TSBP1: variants seen among roughly 807,000 people sequenced by gnomAD.
TSBP1 encodes the protein testis-expressed basic protein 1.
In TSBP1, 56 loss-of-function variants were observed where a neutral mutation model predicts 68.8. The ratio of observed to expected loss-of-function variants is 0.81; its 90% CI spans 0.66 to 1.02. TSBP1 has a LOEUF of 1.02. Ranked by LOEUF, TSBP1 falls within the 50% of genes least tolerant of loss-of-function variation. The probability of loss-of-function intolerance (pLI) is 0.00; values close to 1 mark genes in which losing one functional copy is unlikely to be tolerated. For synonymous variants in TSBP1, 171 were observed against 208.7 expected, an observed-to-expected ratio of 0.82 and a Z score of 1.56; for missense variants, 502 against 641.2, an observed-to-expected ratio of 0.78 and a Z score of 2.34.
At position 32,365,307 on chromosome 6, in the gene TSBP1, C is replaced by A. The variant is rs368015413; in HGVS notation, c.217+860G>T. 50 of 456,886 alleles carry A rather than the reference C, an allele frequency of 1.1e-4. No individual in the cohort carries two copies. The highest frequency in any genetic ancestry group is 9.2e-4 in the African/African-American group (46 of 50,148). 28.3% of individuals were successfully genotyped at this position (456,886 alleles called of 1,614,324 possible). ...GCTCTGGAATTCTCAAGTTTGTGTC[C>A]TTTTTTCCAATCCCACAAAGTCAAA... On this transcript the variant is annotated intron_variant, in intron 6 of 22. Transcript: ENST00000612031. The surrounding 1 kb of genome is among the most constrained non-coding windows in gnomAD (Gnocchi z 4.3).
In TSBP1 at chr6:32,337,728, A is replaced by T. The variant is rs1263052612; in HGVS notation, c.410-1093T>A. 1.3e-5 allele frequency among the ~76,000 whole-genome samples: 2 copies of T among 152,124 alleles called. No individual in the cohort carries two copies. The highest frequency in any genetic ancestry group is 2.9e-5 in the Non-Finnish European group (2 of 68,004). On this transcript the variant is annotated intron_variant, in intron 11 of 22. Coordinates refer to ENST00000612031, the Ensembl canonical transcript of TSBP1. The surrounding 1 kb of genome is among the most constrained non-coding windows in gnomAD (Gnocchi z 5.5). ...CACACCTCTCTACACCTCATAGGCTATAAGTGATTCTCTCACCTTGGCCTC... is the reference window on the plus strand; with the variant it reads ...CACACCTCTCTACACCTCATAGGCTTTAAGTGATTCTCTCACCTTGGCCTC...
Position 32,333,454 on chromosome 6 carries a change from G to A in TSBP1, c.473-1400C>T, listed in dbSNP as rs138085227. ...CCATGTATTTGGTCATATTCCTTAC[G>A]GGATCCCTGCAGGTAATGTGTATGG... On this transcript the variant is annotated intron_variant, in intron 14 of 22. Coordinates refer to ENST00000612031, the Ensembl canonical transcript of TSBP1. This position sits in a 1 kb window ranked among gnomAD's most constrained non-coding sequence, Gnocchi z 4.2. Among the ~76,000 whole-genome samples, 397 of 152,198 alleles carry A rather than the reference G, an allele frequency of 2.6e-3. 1 individual carries two copies. The highest frequency in any genetic ancestry group is 3.2e-3 in the Non-Finnish European group (215 of 68,012).
intron 18 of TSBP1, chr6:32,320,282 T>G (rs925650851): frequency 4.4e-5 from 20 of 454,776 alleles, no homozygotes; most frequent in African/African-American, 3.8e-4. Flanking sequence ...GTAGCACACC[T>G]CCAGCAGGGC....
intron 19 of TSBP1, among the ~76,000 whole-genome samples, chr6:32,303,680 A>G (rs780240754): frequency 6.6e-6 from 1 of 152,148 alleles, no homozygotes; most frequent in Non-Finnish European, 1.5e-5. Flanking sequence ...GATTTGCCTG[A>G]TTGTTATGAG....
In TSBP1 at chr6:32,368,819, G is replaced by T. The variant is rs1774063163; in HGVS notation, c.101-5C>A. On this transcript the variant is annotated splice_region_variant and splice_polypyrimidine_tract_variant and intron_variant, in intron 2 of 22. Coordinates refer to ENST00000612031, the Ensembl canonical transcript of TSBP1. ...TGTATCTGGAGATATACATTTCTGT[G>T]GAAGAATTAGGCAAAATGTTTTTAT... 1.3e-6 allele frequency: 2 copies of T among 1,587,104 alleles called. No individual in the cohort carries two copies. Among genetic ancestry groups the T allele is most frequent in the Non-Finnish European group, 8.6e-7 (1 of 1,162,722 alleles).
chr6:32,301,202 T>TG (rs1765251879), intron 20 of TSBP1, among the ~76,000 whole-genome samples: 2 of 151,986 alleles, frequency 1.3e-5, no homozygotes, highest in Non-Finnish European at 2.9e-5. Flanking sequence ...CTAATTTTTG[T>TG]ATTTTTTTGT....
At chr6:32,352,623 T>C (rs1771850277) in intron 8 of TSBP1, among the ~76,000 whole-genome samples, 1 of 151,876 alleles carries the variant, frequency 6.6e-6, no homozygotes, top group South Asian at 2.1e-4. Flanking sequence ...ACAGAAAATT[T>C]TACATTGTTA....
At chr6:32,371,229 G>T (rs1409653473) in intron 1 of TSBP1, among the ~76,000 whole-genome samples, 1 of 152,086 alleles carries the variant, frequency 6.6e-6, no homozygotes, top group Non-Finnish European at 1.5e-5. Context: ...AGGATAACTA[G>T]ATGGTGTACT....
Position 32,340,256 on chromosome 6 carries a change from T to A in TSBP1, c.350-618A>T, listed in dbSNP as rs1257770504. ...AAATAACCAATCATATTTTAAGATGTTGAAAATTTTGCAATTTTTTTTCTT... is the reference window on the plus strand; with the variant it reads ...AAATAACCAATCATATTTTAAGATGATGAAAATTTTGCAATTTTTTTTCTT... On this transcript the variant is annotated intron_variant, in intron 9 of 22. Coordinates refer to ENST00000612031, the Ensembl canonical transcript of TSBP1. This position sits in a 1 kb window ranked among gnomAD's most constrained non-coding sequence, Gnocchi z 4.8. Among the ~76,000 whole-genome samples, 1 of 152,244 alleles carries A rather than the reference T, an allele frequency of 6.6e-6. No homozygotes were observed. The highest frequency in any genetic ancestry group is 1.9e-4 in the East Asian group (1 of 5,208).
At chr6:32,355,744 A>T in intron 6 of TSBP1, 75 bp from the exon 7 acceptor site, 1 of 1,512,154 alleles carries the variant, frequency 6.6e-7, no homozygotes, top group South Asian at 1.3e-5. Context: ...ACTACAGAGG[A>T]TTACCCAATC....
chr6:32,293,568 C>T, exon 23 of TSBP1: 1 of 1,612,342 alleles, frequency 6.2e-7, no homozygotes. Context: ...TCACTCTTCT[C>T]TACCTGGGCT....
intron 8 of TSBP1, among the ~76,000 whole-genome samples, chr6:32,351,412 C>T (rs62405785): frequency 0.028 from 4,320 of 152,166 alleles, 73 homozygotes; most frequent in South Asian, 0.041. Flanking sequence ...TCTGGAATTC[C>T]TGTTTTGGAC....
intron 8 of TSBP1, among the ~76,000 whole-genome samples, chr6:32,351,481 G>A (rs1384030534): frequency 1.3e-5 from 2 of 152,138 alleles, no homozygotes; most frequent in East Asian, 3.9e-4. Context: ...TTAAGATCCG[G>A]GGCTAACTTA....
At chr6:32,339,841 T>A (rs1176219139) in intron 9 of TSBP1, among the ~76,000 whole-genome samples, 1 of 152,164 alleles carries the variant, frequency 6.6e-6, no homozygotes, top group Non-Finnish European at 1.5e-5. Context: ...AATTTCCTCA[T>A]CTCTAAAACA....
exon 23 of TSBP1, chr6:32,293,163 C>T (rs1562042297): frequency 1.9e-6 from 3 of 1,604,164 alleles, no homozygotes; most frequent in Non-Finnish European, 2.6e-6. Context: ...GCATCTCTCT[C>T]CTTTTCTTTA....
At chr6:32,327,654 C>CT (rs9281739) in intron 16 of TSBP1, among the ~76,000 whole-genome samples, 23,332 of 146,988 alleles carry the variant, frequency 0.16, 2,118 homozygotes, top group African/African-American at 0.21. Flanking sequence ...TTTTCTTTTT[C>CT]TTTTTTTTTT....
At position 32,297,979 on chromosome 6, in the gene TSBP1, A is replaced by T. The variant is rs181217376; in HGVS notation, c.637+1943T>A. Reference sequence around the variant, plus strand: ...AATAAGAATATGTCTTTTACAAAAAATTTTTTAAAAGATTAAACAGATTTT... The same window carrying T: ...AATAAGAATATGTCTTTTACAAAAATTTTTTTAAAAGATTAAACAGATTTT... On this transcript the variant is annotated intron_variant, in intron 22 of 22. Transcript: ENST00000612031. Among the ~76,000 whole-genome samples, 653 of 152,284 alleles carry T rather than the reference A, an allele frequency of 4.3e-3. 6 individuals carry two copies. Among genetic ancestry groups the T allele is most frequent in the Non-Finnish European group, 4.1e-3 (276 of 68,008 alleles).
At chr6:32,300,758 C>T (rs1765205635) in intron 20 of TSBP1, 58 bp from the exon 24 acceptor site, 2 of 1,413,784 alleles carry the variant, frequency 1.4e-6, no homozygotes, top group East Asian at 4.5e-5. Flanking sequence ...TCTTCCCAGT[C>T]CCCAAACCTC....
rs9281742 is a variant in TSBP1, at chr6:32,340,804, C to CT, written c.350-1167dup. On this transcript the variant is annotated intron_variant, in intron 9 of 22. Transcript: ENST00000612031. This position sits in a 1 kb window ranked among gnomAD's most constrained non-coding sequence, Gnocchi z 4.8. ...AATGAGGAGAAAGGAATTTTTCTTT[C>CT]TTTTTTTTTTTGAGACAATCTCTCT... is the stretch of plus-strand genomic sequence containing the variant. Among the ~76,000 whole-genome samples, 62,892 of 147,858 alleles carry CT rather than the reference C, an allele frequency of 0.43. 13,688 individuals carry two copies. The highest frequency in any genetic ancestry group is 0.63 in the Middle Eastern group (180 of 286).
Sources: gnomAD v4.1 joint callset for allele counts (sites outside exome capture counted in the v4.1 genomes callset) on GRCh38, gnomAD v4.1.1 for gene constraint, Gnocchi (gnomAD v3.1) non-coding constraint, MANE v1.5 for transcripts, NCBI Gene and HGNC (gene_info 2026-07-23, HGNC 2026-07-21) for gene names.